RIPOR3: variants seen among roughly 807,000 people sequenced by gnomAD.
The protein encoded by RIPOR3 is RIPOR family member 3.
A neutral mutation model predicts 114.3 loss-of-function variants in RIPOR3; 95 were observed. The ratio of observed to expected loss-of-function variants is 0.83; its 90% CI spans 0.70 to 0.99. The LOEUF is 0.99. RIPOR3 is among the 50% of genes least tolerant of loss of function. The pLI, the probability that RIPOR3 is intolerant of heterozygous loss-of-function variation, is 0.00. For missense variants in RIPOR3, 1,252 were observed against 1,266.9 expected (o/e 0.99, Z 0.18); for synonymous variants, 575 against 543.8 (o/e 1.06, Z -0.80).
At chr20:50,676,436 G>C (rs1291925174) in intron 1 of RIPOR3, among the ~76,000 whole-genome samples, 2 of 151,996 alleles carry the variant, frequency 1.3e-5, no homozygotes, top group Non-Finnish European at 2.9e-5. Flanking sequence ...AGGTTCGCTG[G>C]AGCCCAAGAG....
chr20:50,594,060 G>C (rs1407316842), intron 17 of RIPOR3, among the ~76,000 whole-genome samples: 2 of 152,036 alleles, frequency 1.3e-5, no homozygotes, highest in African/African-American at 4.8e-5. Flanking sequence ...CACAAGGTCA[G>C]GAGTTCGAGA....
chr20:50,600,593 TATAAAAA>T (rs1349677756), intron 13 of RIPOR3, among the ~76,000 whole-genome samples: 1 of 151,892 alleles, frequency 6.6e-6, no homozygotes, highest in Non-Finnish European at 1.5e-5. Context: ...AACTCGTCTC[TATAAAAA>T]ATAAACAAAA....
At chr20:50,636,062 C>T (rs986462432) in intron 1 of RIPOR3, among the ~76,000 whole-genome samples, 3 of 152,246 alleles carry the variant, frequency 2.0e-5, no homozygotes, top group Non-Finnish European at 4.4e-5. Flanking sequence ...AGTTCCCAGG[C>T]AGCTCAGCTG....
chr20:50,608,884 G>A, intron 9 of RIPOR3, 28 bp downstream of exon 9: 1 of 1,599,438 alleles, frequency 6.3e-7, no homozygotes, highest in Non-Finnish European at 8.5e-7. Context: ...GGGGAGCCCT[G>A]AGGATTGACC....
intron 1 of RIPOR3, among the ~76,000 whole-genome samples, chr20:50,658,477 G>T (rs1449384745): frequency 6.6e-6 from 1 of 152,206 alleles, no homozygotes; most frequent in African/African-American, 2.4e-5. Context: ...GGAGACCACG[G>T]TGGGAGGATC....
intron 2 of RIPOR3, among the ~76,000 whole-genome samples, chr20:50,629,159 G>C (rs906253144): frequency 1.3e-5 from 2 of 151,944 alleles, no homozygotes; most frequent in Non-Finnish European, 2.9e-5. Flanking sequence ...AGGTCCCAGG[G>C]GCCTCTAGCC....
rs539798670 is a variant in RIPOR3, at chr20:50,634,890, G to A, written c.4-4034C>T. Among the ~76,000 whole-genome samples, 11 of 152,196 alleles carry A rather than the reference G, an allele frequency of 7.2e-5. No homozygotes were observed. In the East Asian group the frequency reaches 9.7e-4, roughly 13 times the overall value. The stretch of plus-strand genomic sequence containing the variant: ...TCTACTAAAAACACAAAAATTAGCC[G>A]GGCGTGGTGGCGCATGCCTGTAGTC... On this transcript the variant is annotated intron_variant, in intron 1 of 21. Coordinates refer to ENST00000327979, the MANE Select transcript of RIPOR3 (RefSeq NM_001290268.2).
At chr20:50,617,628 CTT>C (rs71190578) in intron 3 of RIPOR3, among the ~76,000 whole-genome samples, 42 of 110,416 alleles carry the variant, frequency 3.8e-4, no homozygotes, top group East Asian at 1.1e-3. Flanking sequence ...GGTGGTTTCC[CTT>C]TTTTTTTTTT....
At chr20:50,637,647 G>A (rs2085036828) in intron 1 of RIPOR3, among the ~76,000 whole-genome samples, 1 of 152,144 alleles carries the variant, frequency 6.6e-6, no homozygotes, top group South Asian at 2.1e-4. Context: ...GGCTGAGTCT[G>A]GTGGATCACC....
chr20:50,628,693 C>T (rs2084711925), intron 2 of RIPOR3, among the ~76,000 whole-genome samples: 1 of 152,200 alleles, frequency 6.6e-6, no homozygotes, highest in African/African-American at 2.4e-5. Flanking sequence ...CTGCCATCAG[C>T]TCCCAGGACA....
rs772405454 is a variant in RIPOR3, at chr20:50,610,883, G to C, written c.396C>G (p.His132Gln). Residue 132 changes from histidine (H) to glutamine (Q), a missense_variant, in exon 6 of 22, where the codon CAC (histidine) becomes CAG (glutamine). His to Gln is a conservative substitution (Grantham distance 24). Transcript: ENST00000327979. Reference sequence around the variant, plus strand: ...TGATGTGAAACTCCATCTTCCGAATGTGCCTTTCCACACAGCGCGTTTGCT... The same window carrying C: ...TGATGTGAAACTCCATCTTCCGAATCTGCCTTTCCACACAGCGCGTTTGCT... Reference protein sequence around the residue: ...LDKQTRCVERHIRKMEFHISK... With the variant: ...LDKQTRCVERQIRKMEFHISK... 6.2e-7 allele frequency: 1 copy of C among 1,614,220 alleles called. No individual in the cohort carries two copies. The highest frequency in any genetic ancestry group is 1.1e-5 in the South Asian group (1 of 91,084).
intron 2 of RIPOR3, among the ~76,000 whole-genome samples, chr20:50,622,643 A>G: frequency 6.6e-6 from 1 of 150,952 alleles, no homozygotes; most frequent in East Asian, 1.9e-4. Flanking sequence ...CGTGAAGCAG[A>G]CCTCCCAACA....
intron 1 of RIPOR3, among the ~76,000 whole-genome samples, chr20:50,652,029 G>A (rs774695597): frequency 1.3e-5 from 2 of 152,260 alleles, no homozygotes; most frequent in Admixed American, 6.5e-5. Context: ...ACAGGCCTGA[G>A]TGGAGCTCCC....
chr20:50,634,500 T>A (rs2084920366), intron 1 of RIPOR3, among the ~76,000 whole-genome samples: 1 of 152,074 alleles, frequency 6.6e-6, no homozygotes, highest in South Asian at 2.1e-4. Context: ...TGGTGACTTG[T>A]CTATCTCTCC....
intron 1 of RIPOR3, among the ~76,000 whole-genome samples, chr20:50,664,596 T>C (rs143409895): frequency 2.9e-4 from 44 of 152,254 alleles, no homozygotes; most frequent in African/African-American, 8.7e-4. Flanking sequence ...CCGTGTGACA[T>C]TGGGCAAATC....
chr20:50,609,077 G>A (rs1211264460), intron 8 of RIPOR3, 122 bp from the exon 9 acceptor site: 2 of 1,383,332 alleles, frequency 1.4e-6, no homozygotes, highest in Non-Finnish European at 2.0e-6. Context: ...AGGATGGGGG[G>A]GAGGTACACC....
chr20:50,655,197 A>T (rs946781807), intron 1 of RIPOR3, among the ~76,000 whole-genome samples: 5 of 152,216 alleles, frequency 3.3e-5, no homozygotes, highest in Non-Finnish European at 7.3e-5. Context: ...TGTCTCCAGG[A>T]CTAAGAGAAT....
At chr20:50,594,857 C>A in intron 16 of RIPOR3, 143 bp from the exon 17 acceptor site, 1 of 910,590 alleles carries the variant, frequency 1.1e-6, no homozygotes, top group East Asian at 2.7e-5. Flanking sequence ...CCCTGCATTC[C>A]CATGTGACAC....
chr20:50,592,177 A>G (rs559384770), intron 19 of RIPOR3, among the ~76,000 whole-genome samples, 167 bp downstream of exon 19: 1 of 152,336 alleles, frequency 6.6e-6, no homozygotes, highest in Non-Finnish European at 1.5e-5. Flanking sequence ...GGAAGCAGCA[A>G]GGTGCATTCA....
Sources: allele counts gnomAD v4.1 joint callset (sites outside exome capture counted in the v4.1 genomes callset), GRCh38; gene constraint gnomAD v4.1.1; transcripts MANE v1.5; gene names NCBI Gene and HGNC (gene_info 2026-07-23, HGNC 2026-07-21).